The following ACACB variants were observed in gnomAD, a reference collection of about 807,000 sequenced individuals.
ACACB encodes acetyl-CoA carboxylase beta.
A neutral mutation model predicts 278.8 loss-of-function variants in ACACB; 209 were observed. The observed-to-expected ratio is 0.75, with a 90% CI of 0.67 to 0.84. The LOEUF is 0.84. Among genes scored for constraint, ACACB ranks in the 40% least tolerant of loss-of-function variants. The pLI is 0.00. For missense variants in ACACB, 2,850 were observed against 3,269.0 expected (o/e 0.87, Z 3.13); for synonymous variants, 1,174 against 1,285.6 (o/e 0.91, Z 1.86).
intron 43 of ACACB, among the ~76,000 whole-genome samples, chr12:109,253,403 A>G (rs2047147485): frequency 6.6e-6 from 1 of 152,156 alleles, no homozygotes; most frequent in Non-Finnish European, 1.5e-5. Context: ...TCCTTTAGAA[A>G]GAGGTAGTAT....
chr12:109,171,849 C>T lies in ACACB; in HGVS notation c.970C>T (p.Pro324Ser). The change falls in exon 5 of 53, where the codon CCC (proline) becomes TCC (serine). Residue 324 changes from proline (P) to serine (S), a missense_variant. Coordinates refer to ENST00000338432, the MANE Select transcript of ACACB (RefSeq NM_001093.4). Reference sequence around the variant, plus strand: ...TCATTACGTCCCCGTCCCAGGAGGGCCCAATAACAACAACTATGCCAACGT... The same window carrying T: ...TCATTACGTCCCCGTCCCAGGAGGGTCCAATAACAACAACTATGCCAACGT... ...ADHYVPVPGG[P>S]NNNNYANVEL... 1.2e-6 allele frequency: 2 copies of T among 1,614,140 alleles called. No homozygotes were observed. The highest frequency in any genetic ancestry group is 1.1e-5 in the South Asian group (1 of 91,088).
At chr12:109,210,206 TG>T (rs2045722151) in intron 21 of ACACB, among the ~76,000 whole-genome samples, 1 of 65,036 alleles carries the variant, frequency 1.5e-5, no homozygotes, top group Non-Finnish European at 3.0e-5. Context: ...TATGTATATA[TG>T]TATATATACA....
At chr12:109,150,366 T>C (rs1283682432) in intron 2 of ACACB, among the ~76,000 whole-genome samples, 1 of 152,202 alleles carries the variant, frequency 6.6e-6, no homozygotes, top group Non-Finnish European at 1.5e-5. Flanking sequence ...TCCCAAGCCC[T>C]GGCCGGGCTT....
intron 2 of ACACB, among the ~76,000 whole-genome samples, chr12:109,159,857 AG>A: frequency 6.6e-6 from 1 of 152,218 alleles, no homozygotes; most frequent in Non-Finnish European, 1.5e-5. Flanking sequence ...TGGGAGGCCA[AG>A]GTGGGCAGAT....
chr12:109,211,207 G>A (rs11613784), intron 21 of ACACB, among the ~76,000 whole-genome samples: 25,085 of 151,972 alleles, frequency 0.17, 2,593 homozygotes, highest in East Asian at 0.32. Flanking sequence ...CATTCTCGGA[G>A]GTTAGGAGTT....
intron 18 of ACACB, 132 bp downstream of exon 18, chr12:109,199,684 T>C: frequency 9.9e-7 from 1 of 1,014,682 alleles, no homozygotes; most frequent in Non-Finnish European, 1.3e-6. Context: ...GGAATCAGTC[T>C]GTGGATTTCA....
chr12:109,256,089 G>A (rs551212718), intron 44 of ACACB, 51 bp from the exon 45 acceptor site: 2 of 1,528,940 alleles, frequency 1.3e-6, no homozygotes, highest in East Asian at 4.5e-5. Context: ...TGTCCTGGGG[G>A]CCCCCAGCCA....
Position 109,216,804 on chromosome 12 carries a change from G to C in ACACB, c.3448G>C (p.Asp1150His). ...TGTTTTGTCTCCCCCAGCCCACTAC[G>C]ACAAGTGTGTGATAAACCTCAGGGA... ...VEHHFQQAHYDKCVINLREQF... is the reference protein window; with the variant it reads ...VEHHFQQAHYHKCVINLREQF... Residue 1150 changes from aspartate to histidine, a missense_variant, in exon 24 of 53, where the codon GAC becomes CAC. This residue lies in a region of ACACB where 2,265 missense variants were observed against 2,561.3 expected (regional missense o/e 0.88). Transcript: ENST00000338432. 6.2e-7 allele frequency: 1 copy of C among 1,614,098 alleles called. No homozygotes were observed. Among genetic ancestry groups the C allele is most frequent in the South Asian group, 1.1e-5 (1 of 91,070 alleles).
At chr12:109,203,764 T>C (rs1336236318) in intron 19 of ACACB, among the ~76,000 whole-genome samples, 3 of 152,210 alleles carry the variant, frequency 2.0e-5, no homozygotes, top group African/African-American at 7.2e-5. Context: ...CCTCTTAATT[T>C]GTCAAGCTGT....
intron 43 of ACACB, among the ~76,000 whole-genome samples, chr12:109,253,523 TC>T (rs2047150354): frequency 6.6e-6 from 1 of 151,750 alleles, no homozygotes; most frequent in African/African-American, 2.4e-5. Context: ...ACTGGGAGAG[TC>T]CCTAAGTTTT....
At chr12:109,258,191 T>C in intron 45 of ACACB, 77 bp from the exon 46 acceptor site, 2 of 1,064,464 alleles carry the variant, frequency 1.9e-6, no homozygotes, top group Non-Finnish European at 2.8e-6. Context: ...CCACGTGCCC[T>C]CACCCCCACA....
chr12:109,138,937 G>GT (rs2043033644), intron 1 of ACACB, among the ~76,000 whole-genome samples: 1 of 152,184 alleles, frequency 6.6e-6, no homozygotes, highest in Non-Finnish European at 1.5e-5. Context: ...ACAAGTCAAT[G>GT]TTTTTTAACT....
intron 24 of ACACB, among the ~76,000 whole-genome samples, chr12:109,217,460 A>C (rs1191827208): frequency 2.6e-5 from 4 of 152,092 alleles, no homozygotes; most frequent in African/African-American, 9.7e-5. Flanking sequence ...TGAGCCTAGG[A>C]GTTCAAGTCC....
chr12:109,165,584 T>A (rs1170909800), intron 2 of ACACB, among the ~76,000 whole-genome samples: 1 of 152,116 alleles, frequency 6.6e-6, no homozygotes. Context: ...AAAAAATCAT[T>A]AACTCCAGGA....
chr12:109,232,844 G>A, intron 29 of ACACB, 38 bp downstream of exon 29: 5 of 1,611,428 alleles, frequency 3.1e-6, no homozygotes, highest in Non-Finnish European at 4.2e-6. Context: ...CCCTGAGCAT[G>A]GGGGCTGGGC....
chr12:109,153,953 C>A (rs752055977), intron 2 of ACACB, among the ~76,000 whole-genome samples: 17 of 152,182 alleles, frequency 1.1e-4, no homozygotes, highest in Non-Finnish European at 1.9e-4. Context: ...CTACCAGGCC[C>A]GGCCTCATTC....
chr12:109,199,182 T>A (rs1378719103), intron 17 of ACACB, among the ~76,000 whole-genome samples: 1 of 151,476 alleles, frequency 6.6e-6, no homozygotes, highest in Non-Finnish European at 1.5e-5. Flanking sequence ...AGAGCGAGAC[T>A]CCGTCTCAAA....
At position 109,222,568 on chromosome 12, in the gene ACACB, T is replaced by G; in HGVS notation, c.3626T>G (p.Leu1209Arg). The change falls in exon 25 of 53, where the codon CTC becomes CGC. Residue 1209 changes from leucine (L) to arginine (R), a missense_variant. By Grantham distance (102) the Leu-to-Arg change is moderately radical. Transcript: ENST00000338432. ...SDELISILNE[L>R]TQLSKSEHCK... Reference sequence around the variant, plus strand: ...GAGCTGATCTCCATCCTCAACGAGCTCACTCAGCTGAGCAAAAGCGAGCAC... The same window carrying G: ...GAGCTGATCTCCATCCTCAACGAGCGCACTCAGCTGAGCAAAAGCGAGCAC... 9 of 1,614,062 alleles carry G rather than the reference T, an allele frequency of 5.6e-6. No individual in the cohort carries two copies. Among genetic ancestry groups the G allele is most frequent in the Non-Finnish European group, 7.6e-6 (9 of 1,180,004 alleles).
chr12:109,235,965 C>T (rs1001755020), intron 33 of ACACB: 6 of 267,632 alleles, frequency 2.2e-5, no homozygotes, highest in Non-Finnish European at 4.2e-5. Context: ...TTCCACTGCA[C>T]TCTAGCCTGG....
Sources: gnomAD v4.1 joint callset for allele counts (sites outside exome capture counted in the v4.1 genomes callset) on GRCh38, gnomAD v4.1.1 for gene constraint, gnomAD v4.1.1 regional missense constraint, MANE v1.5 for transcripts, NCBI Gene and HGNC (gene_info 2026-07-23, HGNC 2026-07-21) for gene names.